FOXK1: variants seen among roughly 807,000 people sequenced by gnomAD.
FOXK1 encodes the protein forkhead box K1.
A neutral mutation model predicts 51.9 loss-of-function variants in FOXK1; 19 were observed. The ratio of observed to expected loss-of-function variants is 0.37; its 90% CI spans 0.26 to 0.54. The LOEUF is 0.54. Ranked by LOEUF, FOXK1 falls within the 20% of genes least tolerant of loss-of-function variation. The pLI, the probability that FOXK1 is intolerant of heterozygous loss-of-function variation, is 0.87. For synonymous variants in FOXK1, 537 were observed against 482.6 expected, an observed-to-expected ratio of 1.11 and a Z score of -1.48; for missense variants, 870 against 1,032.7, an observed-to-expected ratio of 0.84 and a Z score of 2.16.
intron 1 of FOXK1, among the ~76,000 whole-genome samples, chr7:4,690,464 T>G (rs944628578): frequency 1.3e-5 from 2 of 152,262 alleles, no homozygotes; most frequent in African/African-American, 4.8e-5. Context: ...AAAAGCTTTG[T>G]GGGCAAGTAG....
intron 1 of FOXK1, among the ~76,000 whole-genome samples, chr7:4,706,180 C>T (rs1780099975): frequency 6.6e-6 from 1 of 151,840 alleles, no homozygotes; most frequent in South Asian, 2.1e-4. Flanking sequence ...GTCATTTCAG[C>T]GCGTTTTCCT....
chr7:4,694,120 C>G (rs887057227), intron 1 of FOXK1, among the ~76,000 whole-genome samples: 13 of 152,192 alleles, frequency 8.5e-5, no homozygotes, highest in African/African-American at 2.9e-4. Context: ...CTCCTGGGCT[C>G]ACATGATCCT....
intron 1 of FOXK1, among the ~76,000 whole-genome samples, chr7:4,717,703 T>C (rs1212401959): frequency 1.3e-5 from 2 of 152,174 alleles, no homozygotes. Context: ...GTGGCCTCCT[T>C]GTCTCTCTGA....
Position 4,765,436 on chromosome 7 carries a change from C to T in FOXK1, c.*2972C>T, listed in dbSNP as rs1016707362. ...AGCCTCAGCCCCCAGCCTGGGCGGC[C>T]TGTGACCCTGAGCCGTGTGGAGCCA... On this transcript the variant is annotated 3_prime_UTR_variant, in exon 9 of 9. Coordinates refer to ENST00000328914, the MANE Select transcript of FOXK1 (RefSeq NM_001037165.2). The T allele has an allele frequency of 6.6e-6, 1 of 152,300 alleles. No homozygotes were observed. Among genetic ancestry groups the T allele is most frequent in the African/African-American group, 2.4e-5 (1 of 41,476 alleles). 9.4% of individuals were successfully genotyped at this position (152,300 alleles called of 1,614,324 possible).
At chr7:4,741,524 T>C (rs534022331) in intron 2 of FOXK1, among the ~76,000 whole-genome samples, 30 of 151,960 alleles carry the variant, frequency 2.0e-4, no homozygotes, top group Non-Finnish European at 3.7e-4. Context: ...AGAGACGGGG[T>C]TTCACGATGT....
At chr7:4,750,700 G>C (rs895304546) in intron 2 of FOXK1, among the ~76,000 whole-genome samples, 3 of 147,110 alleles carry the variant, frequency 2.0e-5, no homozygotes, top group Admixed American at 6.6e-5. Flanking sequence ...CACCCGCCTC[G>C]GTCTCCCATC....
At chr7:4,712,160 G>C (rs958467824) in intron 1 of FOXK1, among the ~76,000 whole-genome samples, 5 of 151,892 alleles carry the variant, frequency 3.3e-5, no homozygotes, top group Admixed American at 6.6e-5. Context: ...TGAAATCCAA[G>C]CATCGTTTCC....
intron 1 of FOXK1, among the ~76,000 whole-genome samples, chr7:4,716,943 G>A (rs938333120): frequency 2.0e-5 from 3 of 152,208 alleles, no homozygotes; most frequent in Non-Finnish European, 2.9e-5. Flanking sequence ...AGTTGTACGT[G>A]GTGGGAGGCG....
At chr7:4,714,438 C>T (rs1780210061) in intron 1 of FOXK1, among the ~76,000 whole-genome samples, 1 of 152,132 alleles carries the variant, frequency 6.6e-6, no homozygotes, top group African/African-American at 2.4e-5. Flanking sequence ...GCCCCCATGC[C>T]CGGCTAATTT....
chr7:4,706,958 G>A (rs573840725), intron 1 of FOXK1, among the ~76,000 whole-genome samples: 67 of 152,264 alleles, frequency 4.4e-4, no homozygotes, highest in Non-Finnish European at 8.5e-4. Flanking sequence ...CTAGACTTCC[G>A]GGCCACTTCC....
At position 4,755,216 on chromosome 7, in the gene FOXK1, G is replaced by C; in HGVS notation, c.904-21G>C. ...CAGGGACCTTGCTGGAGCTCATCCCGTGAGCCGTGTTTCTCCGCAGGATGA... is the reference window on the plus strand; with the variant it reads ...CAGGGACCTTGCTGGAGCTCATCCCCTGAGCCGTGTTTCTCCGCAGGATGA... On this transcript the variant is annotated intron_variant, in intron 3 of 8. Transcript: ENST00000328914. This position sits in a 1 kb window ranked among gnomAD's most constrained non-coding sequence, Gnocchi z 6.6. 4 of 1,612,200 alleles carry C rather than the reference G, an allele frequency of 2.5e-6. No homozygotes were observed. Among genetic ancestry groups the C allele is most frequent in the Non-Finnish European group, 3.4e-6 (4 of 1,179,066 alleles).
At position 4,743,405 on chromosome 7, in the gene FOXK1, C is replaced by A. The variant is rs146788985; in HGVS notation, c.746+2382C>A. ...TCTCTACTAAAAATACAAAAATCAGCCAGGCATGGTGCCATATGTCTGTAA... is the reference window on the plus strand; with the variant it reads ...TCTCTACTAAAAATACAAAAATCAGACAGGCATGGTGCCATATGTCTGTAA... On this transcript the variant is annotated intron_variant, in intron 2 of 8. Coordinates refer to ENST00000328914, the MANE Select transcript of FOXK1 (RefSeq NM_001037165.2). This position sits in a 1 kb window ranked among gnomAD's most constrained non-coding sequence, Gnocchi z 5.3. Among the ~76,000 whole-genome samples, 397 of 152,202 alleles carry A rather than the reference C, an allele frequency of 2.6e-3. No individual in the cohort carries two copies. The highest frequency in any genetic ancestry group is 7.1e-3 in the African/African-American group (293 of 41,522).
intron 2 of FOXK1, among the ~76,000 whole-genome samples, chr7:4,746,902 TCCCCA>T (rs1780709838): frequency 6.6e-6 from 1 of 152,096 alleles, no homozygotes; most frequent in African/African-American, 2.4e-5. Flanking sequence ...TTGCTGCCCC[TCCCCA>T]CCCCACCACA....
At chr7:4,698,044 T>C (rs916899033) in intron 1 of FOXK1, among the ~76,000 whole-genome samples, 26 of 152,006 alleles carry the variant, frequency 1.7e-4, no homozygotes, top group Admixed American at 9.2e-4. Context: ...AGGCTGGCCT[T>C]GAACTCCTGA....
rs963718134 is a variant in FOXK1, at chr7:4,707,126, T to G, written c.560+24258T>G. ...CTTAGAGAAGCAGCGATGTCTCCCCTCCGGGTTTCCCATGATGTTACGTTG... is the reference window on the plus strand; with the variant it reads ...CTTAGAGAAGCAGCGATGTCTCCCCGCCGGGTTTCCCATGATGTTACGTTG... On this transcript the variant is annotated intron_variant, in intron 1 of 8. Transcript: ENST00000328914. The surrounding 1 kb of genome is among the most constrained non-coding windows in gnomAD (Gnocchi z 4.1). 2.6e-5 allele frequency among the ~76,000 whole-genome samples: 4 copies of G among 152,210 alleles called. No individual in the cohort carries two copies. The highest frequency in any genetic ancestry group is 5.9e-5 in the Non-Finnish European group (4 of 68,038).
rs939885942 is a variant in FOXK1 at position 4,761,432 on chromosome 7, G to A, written c.1921+144G>A. Reference sequence around the variant, plus strand: ...AGCACCTGCTATACTCCAGGCACTGGGGTAATGCAAAGAAAAAGAGGGTGG... The same window carrying A: ...AGCACCTGCTATACTCCAGGCACTGAGGTAATGCAAAGAAAAAGAGGGTGG... On this transcript the variant is annotated intron_variant, in intron 8 of 8. Transcript: ENST00000328914. This position sits in a 1 kb window ranked among gnomAD's most constrained non-coding sequence, Gnocchi z 6.2. 3 of 906,044 alleles carry A rather than the reference G, an allele frequency of 3.3e-6. No homozygotes were observed. The highest frequency in any genetic ancestry group is 3.3e-5 in the African/African-American group (2 of 60,202). 56.1% of individuals were successfully genotyped at this position (906,044 alleles called of 1,614,324 possible).
At chr7:4,752,519 C>T (rs908076990) in intron 2 of FOXK1, among the ~76,000 whole-genome samples, 2 of 152,242 alleles carry the variant, frequency 1.3e-5, no homozygotes, top group Admixed American at 6.5e-5. Flanking sequence ...CGTGCTGGGC[C>T]ATCACTGTTT....
chr7:4,725,589 C>G (rs374646075), intron 1 of FOXK1, among the ~76,000 whole-genome samples: 2 of 152,268 alleles, frequency 1.3e-5, no homozygotes, highest in Non-Finnish European at 2.9e-5. Context: ...TCTGCGTGAA[C>G]GGACTCTCCG....
At chr7:4,693,583 G>A (rs372175799) in intron 1 of FOXK1, among the ~76,000 whole-genome samples, 5 of 152,254 alleles carry the variant, frequency 3.3e-5, no homozygotes, top group South Asian at 2.1e-4. Flanking sequence ...GGCCTCTGTC[G>A]CCCAAGCCGC....
Sources: allele counts gnomAD v4.1 joint callset (sites outside exome capture counted in the v4.1 genomes callset), GRCh38; gene constraint gnomAD v4.1.1; non-coding constraint Gnocchi (gnomAD v3.1); transcripts MANE v1.5; gene names NCBI Gene and HGNC (gene_info 2026-07-23, HGNC 2026-07-21).